Variants in CCDC125 observed in about 807,000 individuals in gnomAD.
CCDC125 encodes the protein coiled-coil domain containing 125.
Under a neutral mutation model 57.4 loss-of-function variants are expected in CCDC125, and 43 were observed. The ratio of observed to expected loss-of-function variants is 0.75; its 90% CI spans 0.59 to 0.97. The LOEUF (loss-of-function observed/expected upper bound fraction) is 0.97, where lower values mean the gene tolerates loss of function less well. Ranked by LOEUF, CCDC125 falls within the 50% of genes least tolerant of loss-of-function variation. CCDC125 has a pLI of 0.00. For missense variants in CCDC125, 563 were observed against 595.7 expected, an observed-to-expected ratio of 0.95 and a Z score of 0.57; for synonymous variants, 187 against 195.2, an observed-to-expected ratio of 0.96 and a Z score of 0.35.
chr5:69,283,500 G>A (rs527287329), intron 11 of CCDC125, among the ~76,000 whole-genome samples: 13 of 150,646 alleles, frequency 8.6e-5, no homozygotes, highest in South Asian at 6.3e-4. Flanking sequence ...GATTACAGGC[G>A]TGAGCCACCG....
chr5:69,293,084 A>C (rs1338625616), intron 9 of CCDC125, among the ~76,000 whole-genome samples: 2 of 148,590 alleles, frequency 1.3e-5, no homozygotes, highest in African/African-American at 5.0e-5. Flanking sequence ...CAGGTAATCC[A>C]CCCGCCTCGG....
downstream of CCDC125, chr5:69,276,556 A>G (rs763183792): frequency 1.2e-6 from 2 of 1,612,636 alleles, no homozygotes; most frequent in African/African-American, 2.7e-5. Context: ...CTGAAAATGA[A>G]GTATTTCAGT....
chr5:69,312,429 G>A (rs1758306373), intron 3 of CCDC125, among the ~76,000 whole-genome samples: 1 of 152,178 alleles, frequency 6.6e-6, no homozygotes, highest in South Asian at 2.1e-4. Context: ...TTCACGGGAA[G>A]AGTCCCAAAC....
At chr5:69,332,068 G>T (rs758527182) in intron 1 of CCDC125, among the ~76,000 whole-genome samples, 1 of 152,246 alleles carries the variant, frequency 6.6e-6, no homozygotes, top group Non-Finnish European at 1.5e-5. Flanking sequence ...TCAGTAGCCT[G>T]ACAACTCTGC....
intron 2 of CCDC125, among the ~76,000 whole-genome samples, chr5:69,317,272 G>A (rs1759265327): frequency 6.6e-6 from 1 of 152,140 alleles, no homozygotes; most frequent in Non-Finnish European, 1.5e-5. Flanking sequence ...GTCTCCCAAA[G>A]TGCTGGGATT....
At chr5:69,324,623 T>C (rs147949659) in intron 1 of CCDC125, among the ~76,000 whole-genome samples, 4 of 152,352 alleles carry the variant, frequency 2.6e-5, no homozygotes, top group Non-Finnish European at 5.9e-5. Context: ...AGAATATATT[T>C]GTCAGTAAAG....
At chr5:69,312,495 G>A (rs1242564615) in intron 3 of CCDC125, among the ~76,000 whole-genome samples, 1 of 152,184 alleles carries the variant, frequency 6.6e-6, no homozygotes, top group Non-Finnish European at 1.5e-5. Flanking sequence ...CGCAGAAACT[G>A]CTATTTCCAC....
chr5:69,302,543 G>A (rs1756653719), intron 7 of CCDC125, among the ~76,000 whole-genome samples: 1 of 151,058 alleles, frequency 6.6e-6, no homozygotes. Context: ...GGCCAACATG[G>A]TGAAACCCCT....
intron 2 of CCDC125, 64 bp from the exon 3 acceptor site, chr5:69,314,110 A>C: frequency 8.9e-7 from 1 of 1,117,356 alleles, no homozygotes; most frequent in Non-Finnish European, 1.4e-6. Context: ...CTAATTAAAC[A>C]TAGGACATTT....
chr5:69,286,523 G>A (rs887769411), intron 10 of CCDC125, among the ~76,000 whole-genome samples: 17 of 151,524 alleles, frequency 1.1e-4, no homozygotes, highest in Non-Finnish European at 1.9e-4. Context: ...GTGAGCCACC[G>A]CGCCCGGCCA....
rs1307446334 is a variant in CCDC125 at position 69,283,025 on chromosome 5, T to C, written c.1240A>G (p.Lys414Glu). 1 of 1,589,868 alleles carries C rather than the reference T, an allele frequency of 6.3e-7. No homozygotes were observed. Among genetic ancestry groups the C allele is most frequent in the Admixed American group, 1.8e-5 (1 of 54,446 alleles). ...LKMLIDLLND[K>E]EEALAHQRKV... Reference sequence around the variant, plus strand: ...CTTTGATGAGCCAAAGCTTCTTCTTTATCATTAAGCTGCATGCACAGAAAT... The same window carrying C: ...CTTTGATGAGCCAAAGCTTCTTCTTCATCATTAAGCTGCATGCACAGAAAT... The change falls in exon 12 of 12, where the codon AAA becomes GAA. Residue 414 changes from lysine (K) to glutamate (E), a missense_variant. Transcript: ENST00000396496.
chr5:69,286,141 C>A (rs1174077053), intron 10 of CCDC125, among the ~76,000 whole-genome samples: 1 of 134,054 alleles, frequency 7.5e-6, no homozygotes, highest in Non-Finnish European at 1.5e-5. Context: ...GGTTACATTA[C>A]AATGTGAATA....
In CCDC125 at chr5:69,314,815, A is replaced by C. The variant is rs544707229; in HGVS notation, c.305-769T>G. Among the ~76,000 whole-genome samples, 11 of 152,300 alleles carry C rather than the reference A, an allele frequency of 7.2e-5. No homozygotes were observed. In the East Asian group the frequency reaches 2.1e-3, roughly 29 times the overall value. ...CAAGACTATCTAAAAAAAACAAAAA[A>C]GGACTCTAAAATAAAACTGATGTTA... is the stretch of plus-strand genomic sequence containing the variant. On this transcript the variant is annotated intron_variant, in intron 2 of 11. Transcript: ENST00000396496.
intron 10 of CCDC125, among the ~76,000 whole-genome samples, chr5:69,289,037 GA>G (rs1290655935): frequency 1.3e-5 from 2 of 152,216 alleles, no homozygotes; most frequent in Non-Finnish European, 2.9e-5. Flanking sequence ...TAGCTCTTGA[GA>G]AAAATGCAGC....
rs571253122 is a variant in CCDC125 at position 69,331,420 on chromosome 5, C to T, written c.-41+1229G>A. Among the ~76,000 whole-genome samples, 200 of 151,420 alleles carry T rather than the reference C, an allele frequency of 1.3e-3. 1 individual carries two copies. Among genetic ancestry groups the T allele is most frequent in the African/African-American group, 4.0e-3 (165 of 41,386 alleles). Reference sequence around the variant, plus strand: ...GCTAATATTTGTATTTTTGTAGAGACGGGGTTTCACCATGTTGGCCAGGCT... The same window carrying T: ...GCTAATATTTGTATTTTTGTAGAGATGGGGTTTCACCATGTTGGCCAGGCT... On this transcript the variant is annotated intron_variant, in intron 1 of 11. Coordinates refer to ENST00000396496, the MANE Select transcript of CCDC125 (RefSeq NM_176816.5).
At chr5:69,298,683 G>A (rs1229409927) in intron 8 of CCDC125, among the ~76,000 whole-genome samples, 1 of 152,174 alleles carries the variant, frequency 6.6e-6, no homozygotes. Flanking sequence ...CTGTGTCGGG[G>A]CCCTTGTTCC....
intron 8 of CCDC125, among the ~76,000 whole-genome samples, chr5:69,298,275 A>C (rs1438628568): frequency 6.6e-6 from 1 of 152,082 alleles, no homozygotes; most frequent in Non-Finnish European, 1.5e-5. Flanking sequence ...CGGCCTCCCA[A>C]AGTGCTGGGA....
At chr5:69,329,285 T>A (rs1761119172) in intron 1 of CCDC125, among the ~76,000 whole-genome samples, 1 of 152,032 alleles carries the variant, frequency 6.6e-6, no homozygotes, top group Non-Finnish European at 1.5e-5. Flanking sequence ...CATCTCAGCC[T>A]CCCGAGTAGC....
At chr5:69,307,688 A>G in intron 5 of CCDC125, 1 of 420,344 alleles carries the variant, frequency 2.4e-6, no homozygotes, top group Non-Finnish European at 4.3e-6. Flanking sequence ...TCTCAAAAAA[A>G]AAAAAAAAGA....
Sources: allele counts gnomAD v4.1 joint callset (sites outside exome capture counted in the v4.1 genomes callset), GRCh38; gene constraint gnomAD v4.1.1; transcripts MANE v1.5; gene names NCBI Gene and HGNC (gene_info 2026-07-23, HGNC 2026-07-21).